RHBDD1: variants seen among roughly 807,000 people sequenced by gnomAD.
RHBDD1 encodes the protein rhomboid-related protein 4.
Under a neutral mutation model 36.3 loss-of-function variants are expected in RHBDD1, and 38 were observed. That is an observed-to-expected ratio of 1.05 (90% confidence interval 0.81 to 1.37). The LOEUF is 1.37. Among genes scored for constraint, RHBDD1 ranks in the 40% most tolerant of loss-of-function variants. The pLI, the probability that RHBDD1 is intolerant of heterozygous loss-of-function variation, is 0.00. For synonymous variants in RHBDD1, 151 were observed against 136.5 expected (o/e 1.11, Z -0.74); for missense variants, 393 against 377.6 (o/e 1.04, Z -0.34).
upstream of RHBDD1, among the ~76,000 whole-genome samples, chr2:226,831,302 A>C (rs1940735030): frequency 6.6e-6 from 1 of 152,254 alleles, no homozygotes; most frequent in South Asian, 2.1e-4. Flanking sequence ...TACTTGTTAC[A>C]TGTCTGTTAT....
chr2:226,963,557 G>A (rs1952386649), intron 8 of RHBDD1, among the ~76,000 whole-genome samples: 1 of 152,068 alleles, frequency 6.6e-6, no homozygotes, highest in South Asian at 2.1e-4. Flanking sequence ...TTCCTTTCCA[G>A]TTCATTGATT....
chr2:226,873,087 C>T (rs1574899212), intron 5 of RHBDD1, among the ~76,000 whole-genome samples: 1 of 152,282 alleles, frequency 6.6e-6, no homozygotes, highest in Middle Eastern at 3.4e-3. Context: ...ACTGCAAGTG[C>T]TAGCTGCCAC....
intron 8 of RHBDD1, among the ~76,000 whole-genome samples, chr2:226,966,945 G>GT (rs1459930642): frequency 6.6e-6 from 1 of 151,976 alleles, no homozygotes; most frequent in East Asian, 1.9e-4. Flanking sequence ...GGGATTATGT[G>GT]TTTTAATAAG....
upstream of RHBDD1, among the ~76,000 whole-genome samples, chr2:226,832,503 C>T (rs1308370941): frequency 6.6e-6 from 1 of 152,040 alleles, no homozygotes; most frequent in Non-Finnish European, 1.5e-5. Context: ...TTGTTCAAGC[C>T]TTCTATATAC....
intron 8 of RHBDD1, among the ~76,000 whole-genome samples, chr2:226,940,814 C>G (rs1350521365): frequency 6.6e-6 from 1 of 152,050 alleles, no homozygotes; most frequent in African/African-American, 2.4e-5. Flanking sequence ...TTAACTGTGA[C>G]CAGGATTACT....
intron 8 of RHBDD1, among the ~76,000 whole-genome samples, chr2:226,922,669 G>A (rs1407644384): frequency 1.3e-5 from 2 of 151,862 alleles, no homozygotes; most frequent in Admixed American, 1.3e-4. Context: ...TTGTTTTCTG[G>A]TTGTTTTGTG....
intron 8 of RHBDD1, among the ~76,000 whole-genome samples, chr2:226,928,059 T>G (rs188566873): frequency 6.6e-6 from 1 of 152,124 alleles, no homozygotes; most frequent in Non-Finnish European, 1.5e-5. Flanking sequence ...TTTTAGGAGT[T>G]CCATGGTCTT....
chr2:226,975,290 C>T lies in RHBDD1; in HGVS notation c.857-20141C>T, dbSNP rs193052541. ...ACTCATTTCACTACACACACAAACACACACACACACATCTATAAATACATA... is the reference window on the plus strand; with the variant it reads ...ACTCATTTCACTACACACACAAACATACACACACACATCTATAAATACATA... On this transcript the variant is annotated intron_variant, in intron 8 of 8. Transcript: ENST00000392062. Among the ~76,000 whole-genome samples the T allele has an allele frequency of 3.9e-4, 59 of 152,254 alleles. 1 individual carries two copies. The highest frequency in any genetic ancestry group is 2.5e-3 in the South Asian group (12 of 4,824).
the RHBDD1 span, among the ~76,000 whole-genome samples, chr2:226,825,584 T>C: frequency 6.6e-6 from 1 of 152,190 alleles, no homozygotes; most frequent in Non-Finnish European, 1.5e-5. Context: ...AATTCTGAAA[T>C]AGACAGTAAA....
At chr2:226,851,913 C>T (rs577200587) in intron 3 of RHBDD1, among the ~76,000 whole-genome samples, 1 of 152,118 alleles carries the variant, frequency 6.6e-6, no homozygotes, top group Non-Finnish European at 1.5e-5. Flanking sequence ...GCGTTTGTTG[C>T]GGTGGTGTTG....
the RHBDD1 span, among the ~76,000 whole-genome samples, chr2:226,828,971 CTAAGA>C: frequency 3.3e-5 from 5 of 152,180 alleles, no homozygotes; most frequent in East Asian, 1.9e-4. Context: ...TTTGCCTAAT[CTAAGA>C]TGACAAAGAT....
At chr2:226,856,672 A>C (rs1389139186) in intron 3 of RHBDD1, among the ~76,000 whole-genome samples, 1 of 152,202 alleles carries the variant, frequency 6.6e-6, no homozygotes, top group Non-Finnish European at 1.5e-5. Context: ...ATAATGAAAC[A>C]AAATAAGAGA....
chr2:226,803,966 T>C, the RHBDD1 span: 1 of 152,248 alleles, frequency 6.6e-6, no homozygotes, highest in Admixed American at 6.5e-5. Context: ...TGATGCTGAT[T>C]CTGCTGGGTA....
chr2:226,896,563 T>C (rs528129348), intron 5 of RHBDD1, among the ~76,000 whole-genome samples: 5 of 152,192 alleles, frequency 3.3e-5, no homozygotes, highest in Non-Finnish European at 7.3e-5. Flanking sequence ...TCTCCTTACC[T>C]GTCTTCTGCT....
chr2:226,951,131 A>C (rs761787997), intron 8 of RHBDD1, among the ~76,000 whole-genome samples: 1 of 152,092 alleles, frequency 6.6e-6, no homozygotes. Flanking sequence ...ATCTATTTCA[A>C]GTGGATTTTT....
chr2:226,888,460 A>C (rs1167645231), intron 5 of RHBDD1, among the ~76,000 whole-genome samples: 1 of 152,136 alleles, frequency 6.6e-6, no homozygotes, highest in Non-Finnish European at 1.5e-5. Flanking sequence ...TATAAACTTA[A>C]AAATCCAAAC....
the RHBDD1 span, among the ~76,000 whole-genome samples, chr2:226,813,470 T>C: frequency 1.5e-3 from 222 of 152,278 alleles, 5 homozygotes; most frequent in African/African-American, 5.2e-3. Flanking sequence ...GTCATGCAGA[T>C]TTGTTGGATG....
intron 5 of RHBDD1, among the ~76,000 whole-genome samples, chr2:226,872,839 A>G (rs965565654): frequency 2.0e-5 from 3 of 152,214 alleles, no homozygotes; most frequent in African/African-American, 7.2e-5. Flanking sequence ...TTTGTTTGAG[A>G]ATTATAAACA....
intron 8 of RHBDD1, among the ~76,000 whole-genome samples, chr2:226,956,560 G>T (rs757116507): frequency 2.0e-5 from 3 of 152,114 alleles, no homozygotes; most frequent in African/African-American, 7.2e-5. Flanking sequence ...GTGAGTGTTC[G>T]TCTATGTTTG....
Sources: allele counts gnomAD v4.1 joint callset (sites outside exome capture counted in the v4.1 genomes callset), GRCh38; gene constraint gnomAD v4.1.1; transcripts MANE v1.5; gene names NCBI Gene and HGNC (gene_info 2026-07-23, HGNC 2026-07-21).